CSF2RA: variants seen among roughly 807,000 people sequenced by gnomAD.
CSF2RA encodes the protein colony stimulating factor 2 receptor subunit alpha, also known as granulocyte-macrophage colony-stimulating factor receptor subunit alpha.
Under a neutral mutation model 51.6 loss-of-function variants are expected in CSF2RA, and 42 were observed. That is an observed-to-expected ratio of 0.81 (90% CI 0.64 to 1.05). The LOEUF (loss-of-function observed/expected upper bound fraction) is 1.05, where lower values mean the gene tolerates loss of function less well. Among genes scored for constraint, CSF2RA ranks in the 50% least tolerant of loss-of-function variants. CSF2RA has a pLI of 0.00. For missense variants in CSF2RA, 530 were observed against 501.1 expected (o/e 1.06, Z -0.55); for synonymous variants, 222 against 193.0 (o/e 1.15, Z -1.24).
the CSF2RA span, among the ~76,000 whole-genome samples, chrX:1,318,229 T>C: frequency 2.0e-4 from 31 of 151,442 alleles, no homozygotes; most frequent in Non-Finnish European, 3.8e-4. Context: ...AATGGCGTGA[T>C]CTTGGCTCAC....
Position 1,288,530 on chromosome X carries a change from C to G in CSF2RA, c.231C>G (p.Asn77Lys). 1 of 1,613,880 alleles carries G rather than the reference C, an allele frequency of 6.2e-7. No individual in the cohort carries two copies. Among genetic ancestry groups the G allele is most frequent in the Non-Finnish European group, 8.5e-7 (1 of 1,179,854 alleles). Residue 77 changes from asparagine to lysine, a missense_variant, in exon 5 of 13, where the codon AAC becomes AAG. Transcript: ENST00000381529. ...NRVVEPRLSN[N>K]ECSCTFREIC... ...TTGCAATTCTTCAGCTCAGTAACAA[C>G]GAATGTTCGTGCACATTTCGTGAAA... is the stretch of plus-strand genomic sequence containing the variant.
At chrX:1,324,099 C>T in the CSF2RA span, among the ~76,000 whole-genome samples, 2 of 151,872 alleles carry the variant, frequency 1.3e-5, no homozygotes, top group Non-Finnish European at 2.9e-5. Flanking sequence ...GTGGGAGGAT[C>T]ACTTGAGTCT....
chrX:1,311,437 GT>G (rs1288841673), downstream of CSF2RA, among the ~76,000 whole-genome samples: 1 of 100,720 alleles, frequency 9.9e-6, no homozygotes, highest in East Asian at 4.6e-4. Context: ...AAATAAACCT[GT>G]TTGTTTTTTT....
chrX:1,302,042 G>T (rs1384177441), intron 10 of CSF2RA, among the ~76,000 whole-genome samples: 1 of 150,430 alleles, frequency 6.6e-6, no homozygotes. Context: ...TCAGTCTCCC[G>T]AGTAGCTGGG....
chrX:1,317,338 G>A, the CSF2RA span, among the ~76,000 whole-genome samples: 4 of 117,700 alleles, frequency 3.4e-5, no homozygotes, highest in African/African-American at 6.7e-5. Flanking sequence ...CACAACCTCC[G>A]CCTCCCGGGT....
In CSF2RA at chrX:1,300,523, C is replaced by A. The variant is rs2092297868; in HGVS notation, c.843C>A (p.Tyr281Ter). The A allele has an allele frequency of 1.2e-6, 2 of 1,613,792 alleles. No individual in the cohort carries two copies. The highest frequency in any genetic ancestry group is 2.7e-5 in the African/African-American group (2 of 74,886). ...INVSGDLENR[Y>*]NFPSSEPRAK... ...TTTCTGGTGATTTGGAAAATAGATA[C>A]AACTTTCCAAGCTCTGAGCCCAGAG... The change falls in exon 10 of 13, where the codon TAC becomes TAA. Residue 281 changes from tyrosine (Y) to a stop codon, truncating the protein, a stop_gained. Coordinates refer to ENST00000381529, the MANE Select transcript of CSF2RA (RefSeq NM_172245.4). LOFTEE classifies it high-confidence loss of function.
Position 1,309,456 on chromosome X carries a change from T to C in CSF2RA, c.1180T>C (p.Leu394=). ...EEGKGYREEV[L]TVKEIT Reference sequence around the variant, plus strand: ...AGGGAAAGGCTACCGCGAAGAGGTCTTGACCGTGAAGGAAATTACCTGAGA... The same window carrying C: ...AGGGAAAGGCTACCGCGAAGAGGTCCTGACCGTGAAGGAAATTACCTGAGA... The change falls in exon 13 of 13, where the codon TTG becomes CTG. Residue 394 remains leucine (L), a synonymous_variant. Coordinates refer to ENST00000381529, the MANE Select transcript of CSF2RA (RefSeq NM_172245.4). The C allele has an allele frequency of 6.2e-7, 1 of 1,613,998 alleles. No homozygotes were observed. Among genetic ancestry groups the C allele is most frequent in the Non-Finnish European group, 8.5e-7 (1 of 1,179,862 alleles).
chrX:1,301,060 G>A (rs1230865728), intron 10 of CSF2RA, among the ~76,000 whole-genome samples: 3 of 151,804 alleles, frequency 2.0e-5, no homozygotes, highest in Admixed American at 6.6e-5. Context: ...GGCTGAGGCA[G>A]GAGAATCACT....
intron 9 of CSF2RA, among the ~76,000 whole-genome samples, chrX:1,299,181 C>G (rs1219949647): frequency 6.6e-6 from 1 of 152,118 alleles, no homozygotes; most frequent in East Asian, 1.9e-4. Context: ...CCATTTTATT[C>G]CTCTTTCCTC....
chrX:1,315,585 T>G, the CSF2RA span, among the ~76,000 whole-genome samples: 92,025 of 151,566 alleles, frequency 0.61, 27,915 homozygotes, highest in Admixed American at 0.65. Flanking sequence ...TTATATTTTT[T>G]GTAGAGACAG....
chrX:1,288,904 ATG>A lies in CSF2RA; in HGVS notation c.473+19_473+20del, dbSNP rs780028876. The A allele has an allele frequency of 4.7e-4, 152 of 324,564 alleles. No individual in the cohort carries two copies. In the East Asian group the frequency reaches 0.016, roughly 34 times the overall value. The allele number at this position is 324,564 out of a possible 1,614,324, so 20.1% of individuals were successfully genotyped here. A position where few individuals can be genotyped will look rare whatever the true frequency, so the allele number is the denominator to read the frequency against. ...GAAACTCAAAGTAAGTGTTCACCTC[ATG>A]TGAAGAATTATGAGGAATGCAGGGA... On this transcript the variant is annotated intron_variant, in intron 6 of 12. Coordinates refer to ENST00000381529, the MANE Select transcript of CSF2RA (RefSeq NM_172245.4).
At chrX:1,315,059 C>G (rs780956383), downstream of CSF2RA, among the ~76,000 whole-genome samples, 23 of 152,276 alleles carry the variant, frequency 1.5e-4, no homozygotes, top group Middle Eastern at 3.4e-3. Context: ...GACATTCAAT[C>G]CTTTGCATGC....
Position 1,309,832 on chromosome X carries a change from G to T in CSF2RA, c.*353G>T. On this transcript the variant is annotated 3_prime_UTR_variant, in exon 13 of 13. Transcript: ENST00000381529. ...GAACCCGTGAGGCGGAGGTTGTAGT[G>T]AGCCAAGATCGCACCATTGCACACC... The T allele has an allele frequency of 1.6e-6, 1 of 607,234 alleles. No individual in the cohort carries two copies. Among genetic ancestry groups the T allele is most frequent in the East Asian group, 2.7e-5 (1 of 36,488 alleles). 37.6% of individuals were successfully genotyped at this position (607,234 alleles called of 1,614,324 possible).
chrX:1,288,904 AT>A lies in CSF2RA; in HGVS notation c.473+17del, dbSNP rs1469675832. 5 of 324,472 alleles carry A rather than the reference AT, an allele frequency of 1.5e-5. No individual in the cohort carries two copies. Among genetic ancestry groups the A allele is most frequent in the Middle Eastern group, 1.5e-3 (2 of 1,366 alleles). 20.1% of individuals were successfully genotyped at this position (324,472 alleles called of 1,614,324 possible). A position where few individuals can be genotyped will look rare whatever the true frequency, so the allele number is the denominator to read the frequency against. On this transcript the variant is annotated intron_variant, in intron 6 of 12. Coordinates refer to ENST00000381529, the MANE Select transcript of CSF2RA (RefSeq NM_172245.4). ...GAAACTCAAAGTAAGTGTTCACCTCATGTGAAGAATTATGAGGAATGCAGGG... is the reference window on the plus strand; with the variant it reads ...GAAACTCAAAGTAAGTGTTCACCTCAGTGAAGAATTATGAGGAATGCAGGG...
intron 2 of CSF2RA, among the ~76,000 whole-genome samples, chrX:1,275,494 G>C (rs2089059944): frequency 1.3e-5 from 2 of 152,096 alleles, no homozygotes; most frequent in Non-Finnish European, 2.9e-5. Flanking sequence ...ACGTATCCAA[G>C]CTGGTTGAGC....
At position 1,294,407 on chromosome X, in the gene CSF2RA, C is replaced by G. The variant is rs775973993; in HGVS notation, c.726C>G (p.Thr242=). ...HCLVRWKQPR[T]YQKLSYLDFQ... ...TCGTACGGTGGAAACAGCCCAGGACCTATCAGAAGCTGTCGTACCTGGACT... is the reference window on the plus strand; with the variant it reads ...TCGTACGGTGGAAACAGCCCAGGACGTATCAGAAGCTGTCGTACCTGGACT... Residue 242 remains threonine (T), a synonymous_variant, in exon 8 of 13, where the codon ACC becomes ACG. Coordinates refer to ENST00000381529, the MANE Select transcript of CSF2RA (RefSeq NM_172245.4). 2 of 1,613,826 alleles carry G rather than the reference C, an allele frequency of 1.2e-6. No individual in the cohort carries two copies. The highest frequency in any genetic ancestry group is 1.3e-5 in the African/African-American group (1 of 74,928).
the CSF2RA span, among the ~76,000 whole-genome samples, chrX:1,316,006 AG>A: frequency 2.5e-5 from 1 of 39,886 alleles, no homozygotes; most frequent in Non-Finnish European, 7.4e-5. Flanking sequence ...ATAGACAGAT[AG>A]ATAGATATAT....
chrX:1,317,377 G>A, the CSF2RA span, among the ~76,000 whole-genome samples: 798 of 138,418 alleles, frequency 5.8e-3, 7 homozygotes, highest in Non-Finnish European at 9.0e-3. Flanking sequence ...TCAGCCTCCC[G>A]AGTAGCTGGG....
intron 1 of CSF2RA, among the ~76,000 whole-genome samples, chrX:1,270,548 C>A (rs1386295417): frequency 1.3e-5 from 2 of 152,050 alleles, no homozygotes; most frequent in African/African-American, 2.4e-5. Context: ...CCAATATTAT[C>A]ATTTTTAAAG....
Sources: allele counts gnomAD v4.1 joint callset (sites outside exome capture counted in the v4.1 genomes callset), GRCh38; gene constraint gnomAD v4.1.1; transcripts MANE v1.5; gene names NCBI Gene and HGNC (gene_info 2026-07-23, HGNC 2026-07-21).